The following USP4 variants were observed in gnomAD, a reference collection of about 807,000 sequenced individuals.
The protein encoded by USP4 is ubiquitin carboxyl-terminal hydrolase 4.
A neutral mutation model predicts 118.2 loss-of-function variants in USP4; 72 were observed. The observed-to-expected ratio is 0.61, with a 90% CI of 0.50 to 0.74. The LOEUF (loss-of-function observed/expected upper bound fraction) is 0.74. Ranked by LOEUF, USP4 falls within the 30% of genes least tolerant of loss-of-function variation. The probability of loss-of-function intolerance (pLI) is 0.00; values close to 1 mark genes in which losing one functional copy is unlikely to be tolerated. For synonymous variants in USP4, 415 were observed against 440.4 expected (o/e 0.94, Z 0.72); for missense variants, 1,037 against 1,185.7 (o/e 0.87, Z 1.84).
chr3:49,312,411 C>G (rs1270854259), intron 6 of USP4: 1 of 445,534 alleles, frequency 2.2e-6, no homozygotes, highest in Admixed American at 2.4e-5. Flanking sequence ...ATCACTTGAA[C>G]CCGGGAGTAA....
chr3:49,296,128 G>A (rs1330752632), intron 13 of USP4, among the ~76,000 whole-genome samples: 4 of 151,434 alleles, frequency 2.6e-5, no homozygotes, highest in African/African-American at 4.8e-5. Context: ...TCAGGAGATC[G>A]AGACCACCCT....
chr3:49,309,280 T>C (rs2047355354), intron 8 of USP4, among the ~76,000 whole-genome samples: 1 of 152,120 alleles, frequency 6.6e-6, no homozygotes, highest in South Asian at 2.1e-4. Context: ...AAACTTGCAG[T>C]TGGTTTCGGA....
At chr3:49,316,972 C>T (rs1448292773) in intron 6 of USP4, 1 of 667,820 alleles carries the variant, frequency 1.5e-6, no homozygotes, top group African/African-American at 1.8e-5. Flanking sequence ...CCTCTTAGCA[C>T]CTGAGACAGT....
At chr3:49,298,001 C>T (rs753748713) in intron 12 of USP4, 37 bp from the exon 13 acceptor site, 1 of 1,364,018 alleles carries the variant, frequency 7.3e-7, no homozygotes, top group Non-Finnish European at 1.0e-6. Context: ...CACAGAATGG[C>T]TAAGAGTGCC....
chr3:49,287,994 G>C (rs933161581), intron 15 of USP4, among the ~76,000 whole-genome samples: 3 of 152,116 alleles, frequency 2.0e-5, no homozygotes, highest in African/African-American at 7.2e-5. Flanking sequence ...TGGTGTAAAA[G>C]TAACAGAGAA....
At position 49,293,159 on chromosome 3, in the gene USP4, C is replaced by G. The variant is rs550053329; in HGVS notation, c.1884-561G>C. ...TTGGGAGGCCGAGGTGGGCAATCAC[C>G]TGAGGTCAGGATTTCCAGACCAGTC... On this transcript the variant is annotated intron_variant, in intron 14 of 21. Coordinates refer to ENST00000265560, the MANE Select transcript of USP4 (RefSeq NM_003363.4). 3.9e-5 allele frequency among the ~76,000 whole-genome samples: 6 copies of G among 152,322 alleles called. No individual in the cohort carries two copies. In the South Asian group the frequency reaches 1.2e-3, roughly 32 times the overall value.
intron 19 of USP4, among the ~76,000 whole-genome samples, chr3:49,281,478 A>G (rs13075426): frequency 0.5 from 51,460 of 102,054 alleles, 10,815 homozygotes; most frequent in South Asian, 0.6. Flanking sequence ...AAGTATGTGT[A>G]TATATATATA....
chr3:49,284,069 T>C lies in USP4; in HGVS notation c.2458A>G (p.Ile820Val). Residue 820 changes from isoleucine (I) to valine (V), a missense_variant, in exon 19 of 22, where the codon ATC becomes GTC. This residue lies in a region of USP4 where 522 missense variants were observed against 592.6 expected (regional missense o/e 0.88). Transcript: ENST00000265560. ...KKFDLWSLPK[I>V]LVVHLKRFSY... ...AAACGTTTGAGGTGGACCACCAGGA[T>C]CTTGGGCAAGGACCATAGGTCAAAC... 1 of 1,614,248 alleles carries C rather than the reference T, an allele frequency of 6.2e-7. No homozygotes were observed. Among genetic ancestry groups the C allele is most frequent in the Middle Eastern group, 1.6e-4 (1 of 6,062 alleles).
chr3:49,333,200 A>G (rs1270939034), intron 2 of USP4, among the ~76,000 whole-genome samples: 1 of 141,702 alleles, frequency 7.1e-6, no homozygotes, highest in Non-Finnish European at 1.5e-5. Flanking sequence ...GCTGGAGTGG[A>G]GTGCAGTGGC....
chr3:49,295,324 A>C (rs1051837185), intron 13 of USP4, among the ~76,000 whole-genome samples: 2 of 140,924 alleles, frequency 1.4e-5, no homozygotes, highest in African/African-American at 5.2e-5. Context: ...AAAAGCATTG[A>C]GTGCCCTGCC....
Position 49,335,653 on chromosome 3 carries a change from G to A in USP4, c.102-57C>T, listed in dbSNP as rs1467039718. On this transcript the variant is annotated intron_variant, in intron 1 of 21. Coordinates refer to ENST00000265560, the MANE Select transcript of USP4 (RefSeq NM_003363.4). ...AAAGCTGAGATTATAAATTTCTGCA[G>A]CTGCTTCCTTAATCTTTTTTATGGT... The A allele has an allele frequency of 1.1e-5, 18 of 1,597,634 alleles. No homozygotes were observed. In the Admixed American group the frequency reaches 3.0e-4, roughly 27 times the overall value.
chr3:49,338,974 G>A (rs552503989), intron 1 of USP4, among the ~76,000 whole-genome samples: 1 of 151,970 alleles, frequency 6.6e-6, no homozygotes, highest in African/African-American at 2.4e-5. Context: ...GGTGAAACCC[G>A]GTCTCTACTA....
At chr3:49,279,827 G>A (rs2046998588) in intron 20 of USP4, among the ~76,000 whole-genome samples, 1 of 152,206 alleles carries the variant, frequency 6.6e-6, no homozygotes. Flanking sequence ...CACAATAGCA[G>A]CAACGGTGGC....
chr3:49,285,326 C>A (rs1377201151), intron 16 of USP4, among the ~76,000 whole-genome samples: 1 of 151,924 alleles, frequency 6.6e-6, no homozygotes, highest in African/African-American at 2.4e-5. Flanking sequence ...GAGACCCCTA[C>A]ATCGCCCTAG....
chr3:49,294,411 T>C lies in USP4; in HGVS notation c.1879A>G (p.Ile627Val), dbSNP rs373020079. Residue 627 changes from isoleucine to valine, a missense_variant, in exon 14 of 22, where the codon ATC becomes GTC. Physicochemically the swap from Ile to Val is conservative, Grantham distance 29. Around this residue, in one of 3 missense-constraint regions of USP4, gnomAD observed 522 missense variants for 592.6 expected, o/e 0.88. Transcript: ENST00000265560. The part of the protein sequence containing the change: ...ESLYQAVCDR[I>V]SRYVKQPLPD... ...AATCACATTCCTGCCACCAACCTGA[T>C]ACGATCACAAACAGCCTGGTACAAA... is the stretch of plus-strand genomic sequence containing the variant. 1.6e-5 allele frequency: 25 copies of C among 1,611,790 alleles called. No individual in the cohort carries two copies. In the African/African-American group the frequency reaches 2.9e-4, roughly 19 times the overall value.
At chr3:49,310,815 G>T (rs1287471991) in intron 7 of USP4, 78 bp from the exon 8 acceptor site, 3 of 1,128,246 alleles carry the variant, frequency 2.7e-6, no homozygotes, top group Admixed American at 1.8e-5. Context: ...AGGCTCCTAT[G>T]GGGGCCTCTA....
At chr3:49,323,529 A>G (rs913151411) in intron 6 of USP4, among the ~76,000 whole-genome samples, 1 of 152,188 alleles carries the variant, frequency 6.6e-6, no homozygotes, top group African/African-American at 2.4e-5. Context: ...TGGATATCTC[A>G]GGGTGAAGAT....
intron 6 of USP4, 26 bp from the exon 7 acceptor site, chr3:49,311,680 C>T (rs759284246): frequency 5.0e-6 from 8 of 1,611,782 alleles, no homozygotes; most frequent in Admixed American, 1.7e-5. Context: ...AGAAACAATG[C>T]TACTGACTTT....
At chr3:49,305,927 G>A (rs192195100) in intron 8 of USP4, 39 bp from the exon 9 acceptor site, 168 of 1,569,976 alleles carry the variant, frequency 1.1e-4, no homozygotes, top group Non-Finnish European at 9.7e-5. Flanking sequence ...ACACCTTCTA[G>A]ACAGTACCAG....
Sources: gnomAD v4.1 joint callset for allele counts (sites outside exome capture counted in the v4.1 genomes callset) on GRCh38, gnomAD v4.1.1 for gene constraint, gnomAD v4.1.1 regional missense constraint, MANE v1.5 for transcripts, NCBI Gene and HGNC (gene_info 2026-07-23, HGNC 2026-07-21) for gene names.